TMC7: variants seen among roughly 807,000 people sequenced by gnomAD.
TMC7 encodes the protein transmembrane channel like 7.
A neutral mutation model predicts 82.9 loss-of-function variants in TMC7; 54 were observed. The ratio of observed to expected loss-of-function variants is 0.65; its 90% CI spans 0.52 to 0.82. TMC7 has a LOEUF of 0.82. Among genes scored for constraint, TMC7 ranks in the 40% least tolerant of loss-of-function variants. The probability of loss-of-function intolerance (pLI) is 0.00; values close to 1 mark genes in which losing one functional copy is unlikely to be tolerated. For missense variants in TMC7, 820 were observed against 901.2 expected (o/e 0.91, Z 1.15); for synonymous variants, 350 against 337.9 (o/e 1.04, Z -0.39).
At chr16:18,995,426 C>A (rs1467481205) in intron 1 of TMC7, among the ~76,000 whole-genome samples, 3 of 152,200 alleles carry the variant, frequency 2.0e-5, no homozygotes, top group Non-Finnish European at 4.4e-5. Flanking sequence ...GGGAAGGAAT[C>A]AGTCAGCGAG....
At chr16:19,002,897 A>G (rs1255803629) in intron 1 of TMC7, among the ~76,000 whole-genome samples, 3 of 152,240 alleles carry the variant, frequency 2.0e-5, no homozygotes, top group African/African-American at 7.2e-5. Flanking sequence ...AATAACTGTA[A>G]TGAGATGATC....
chr16:18,984,013 C>A lies in TMC7; in HGVS notation c.-51C>A. On this transcript the variant is annotated 5_prime_UTR_variant, in exon 1 of 16. Transcript: ENST00000304381. ...AAGGCCGGGGAGGCGGCGGCGGCGG[C>A]GGCGGCTGGAGAGGGTCCTCGGCAG... The A allele has an allele frequency of 7.3e-7, 1 of 1,373,732 alleles. No individual in the cohort carries two copies. The highest frequency in any genetic ancestry group is 9.3e-7 in the Non-Finnish European group (1 of 1,070,608). 85.1% of individuals were successfully genotyped at this position (1,373,732 alleles called of 1,614,324 possible).
chr16:19,009,384 G>T lies in TMC7; in HGVS notation c.280G>T (p.Ala94Ser), dbSNP rs774663146. 6.2e-7 allele frequency: 1 copy of T among 1,614,086 alleles called. No homozygotes were observed. The highest frequency in any genetic ancestry group is 2.2e-5 in the East Asian group (1 of 44,880). Residue 94 changes from alanine to serine, a missense_variant, in exon 2 of 16, where the codon GCA becomes TCA. Physicochemically the swap from Ala to Ser is moderately conservative, Grantham distance 99 (BLOSUM62 1). Around this residue, in one of 2 missense-constraint regions of TMC7, gnomAD observed 650 missense variants for 669.9 expected, o/e 0.97. Transcript: ENST00000304381. ...CAGCAGCCATTCTCTTCGAAATTAT[G>T]CACTGAACATCTCTGAGAAGCGGAG... Reference protein sequence around the residue: ...NLSSHSLRNYALNISEKRRLR... With the variant: ...NLSSHSLRNYSLNISEKRRLR...
chr16:19,053,011 C>T (rs772196700), intron 13 of TMC7, among the ~76,000 whole-genome samples: 1 of 152,150 alleles, frequency 6.6e-6, no homozygotes, highest in Non-Finnish European at 1.5e-5. Flanking sequence ...CCATGCTTGA[C>T]CAGATTTTAT....
chr16:19,031,070 A>G (rs1170678914), intron 6 of TMC7, among the ~76,000 whole-genome samples: 1 of 152,152 alleles, frequency 6.6e-6, no homozygotes, highest in East Asian at 1.9e-4. Flanking sequence ...AAGGACAAAG[A>G]TGGAGCCATG....
chr16:19,043,568 T>TTATG (rs1961120603), intron 9 of TMC7, among the ~76,000 whole-genome samples: 1 of 151,768 alleles, frequency 6.6e-6, no homozygotes, highest in Non-Finnish European at 1.5e-5. Context: ...TGCTTATTAT[T>TTATG]TATTTATTTA....
intron 3 of TMC7, among the ~76,000 whole-genome samples, chr16:19,020,406 A>G (rs1342307245): frequency 1.3e-5 from 2 of 152,106 alleles, no homozygotes; most frequent in Non-Finnish European, 2.9e-5. Flanking sequence ...TTTTTTTTGC[A>G]GATGACAATG....
At chr16:18,990,789 C>G (rs144365045) in intron 1 of TMC7, among the ~76,000 whole-genome samples, 4 of 152,044 alleles carry the variant, frequency 2.6e-5, no homozygotes, top group African/African-American at 9.7e-5. Flanking sequence ...TTATAAAGAA[C>G]CTTCTTAAGA....
chr16:19,028,911 C>T (rs1960360499), intron 5 of TMC7, among the ~76,000 whole-genome samples: 2 of 151,876 alleles, frequency 1.3e-5, no homozygotes. Context: ...GCCTCGGCCT[C>T]CCAAGGTTCT....
In TMC7 at chr16:19,030,287, A is replaced by G; in HGVS notation, c.775A>G (p.Asn259Asp). Reference sequence around the variant, plus strand: ...CACCATTGATGGGGTGAAATTTCAGAACTTCACCTATGATCTGCCCCTGGC... The same window carrying G: ...CACCATTGATGGGGTGAAATTTCAGGACTTCACCTATGATCTGCCCCTGGC... ...HYTIDGVKFQ[N>D]FTYDLPLAYL... is the part of the protein sequence containing the mutation. The change falls in exon 6 of 16, where the codon AAC becomes GAC. Residue 259 changes from asparagine to aspartate, a missense_variant. Physicochemically the swap from Asn to Asp is conservative, Grantham distance 23. Transcript: ENST00000304381. 1 of 1,613,588 alleles carries G rather than the reference A, an allele frequency of 6.2e-7. No homozygotes were observed. Among genetic ancestry groups the G allele is most frequent in the South Asian group, 1.1e-5 (1 of 91,046 alleles).
chr16:18,995,633 G>T (rs985511091), intron 1 of TMC7, among the ~76,000 whole-genome samples: 5 of 152,308 alleles, frequency 3.3e-5, no homozygotes, highest in African/African-American at 1.2e-4. Flanking sequence ...ACGCCTGGCC[G>T]CTGCGGTTCA....
At chr16:19,004,518 C>T (rs1343583593) in intron 1 of TMC7, among the ~76,000 whole-genome samples, 2 of 152,046 alleles carry the variant, frequency 1.3e-5, no homozygotes, top group Non-Finnish European at 1.5e-5. Context: ...GCACTTGCCA[C>T]CATGCCTGGC....
At chr16:19,014,714 C>G (rs1567510247) in intron 2 of TMC7, among the ~76,000 whole-genome samples, 1 of 152,156 alleles carries the variant, frequency 6.6e-6, no homozygotes. Context: ...TGTAGCACTT[C>G]CCCCAGGGAG....
chr16:19,017,795 C>T (rs948292072), intron 3 of TMC7, among the ~76,000 whole-genome samples: 3 of 151,986 alleles, frequency 2.0e-5, no homozygotes, highest in African/African-American at 4.8e-5. Flanking sequence ...CTCAGCCTCC[C>T]GAGTAGCTGG....
At chr16:19,016,724 C>T in intron 3 of TMC7, 126 bp downstream of exon 3, 1 of 1,036,888 alleles carries the variant, frequency 9.6e-7, no homozygotes, top group Non-Finnish European at 1.4e-6. Context: ...ATGTGAGCAA[C>T]AAACCACAGC....
chr16:18,995,897 C>A (rs1168275338), intron 1 of TMC7, among the ~76,000 whole-genome samples: 3 of 152,010 alleles, frequency 2.0e-5, no homozygotes, highest in African/African-American at 4.8e-5. Flanking sequence ...CCTCCTGGAT[C>A]TAGGACAGTA....
intron 2 of TMC7, 60 bp downstream of exon 2, chr16:19,009,475 T>C: frequency 6.5e-7 from 1 of 1,539,160 alleles, no homozygotes; most frequent in East Asian, 2.3e-5. Context: ...AGGTATGTTT[T>C]GTGCGTGAAA....
chr16:19,006,925 T>G (rs2142164075), intron 1 of TMC7, among the ~76,000 whole-genome samples: 1 of 152,294 alleles, frequency 6.6e-6, no homozygotes, highest in African/African-American at 2.4e-5. Flanking sequence ...CAAGCTATTC[T>G]TCTACCTCAG....
At chr16:19,056,459 C>A in intron 13 of TMC7, 83 bp from the exon 14 acceptor site, 1 of 1,499,852 alleles carries the variant, frequency 6.7e-7, no homozygotes, top group Non-Finnish European at 9.0e-7. Context: ...CCATTGTTAA[C>A]AAAACATTCT....
Sources: gnomAD v4.1 joint callset for allele counts (sites outside exome capture counted in the v4.1 genomes callset) on GRCh38, gnomAD v4.1.1 for gene constraint, gnomAD v4.1.1 regional missense constraint, MANE v1.5 for transcripts, NCBI Gene and HGNC (gene_info 2026-07-23, HGNC 2026-07-21) for gene names.